MTHFD1L: variants seen among roughly 807,000 people sequenced by gnomAD.
MTHFD1L encodes methylenetetrahydrofolate dehydrogenase (NADP+ dependent) 1 like.
In MTHFD1L, 81 loss-of-function variants were observed where a neutral mutation model predicts 119.5. The ratio of observed to expected loss-of-function variants is 0.68; its 90% CI spans 0.57 to 0.82. The LOEUF (loss-of-function observed/expected upper bound fraction) is 0.82, where lower values mean the gene tolerates loss of function less well. Among genes scored for constraint, MTHFD1L ranks in the 40% least tolerant of loss-of-function variants. The pLI, the probability that MTHFD1L is intolerant of heterozygous loss-of-function variation, is 0.00. For missense variants in MTHFD1L, 1,125 were observed against 1,253.4 expected (o/e 0.90, Z 1.55); for synonymous variants, 430 against 475.2 (o/e 0.90, Z 1.24).
intron 26 of MTHFD1L, among the ~76,000 whole-genome samples, chr6:151,047,707 CT>C (rs1788314799): frequency 6.6e-6 from 1 of 152,188 alleles, no homozygotes; most frequent in African/African-American, 2.4e-5. Flanking sequence ...ATGAAAGTTA[CT>C]TACTGTGCTT....
At chr6:150,976,926 T>TC (rs1254708699) in intron 20 of MTHFD1L, among the ~76,000 whole-genome samples, 1 of 152,220 alleles carries the variant, frequency 6.6e-6, no homozygotes, top group Non-Finnish European at 1.5e-5. Flanking sequence ...CAATTTCACT[T>TC]CTATGTATAC....
intron 1 of MTHFD1L, chr6:150,866,372 G>C: frequency 7.1e-7 from 1 of 1,408,144 alleles, no homozygotes; most frequent in East Asian, 3.1e-5. Flanking sequence ...CAATCGCGCC[G>C]GGCGCGACCC....
chr6:151,025,367 C>T (rs1479224262), intron 24 of MTHFD1L, among the ~76,000 whole-genome samples: 2 of 152,188 alleles, frequency 1.3e-5, no homozygotes, highest in Admixed American at 6.5e-5. Flanking sequence ...GAGCCGCTCC[C>T]GGGACTCCAG....
intron 20 of MTHFD1L, among the ~76,000 whole-genome samples, chr6:150,979,701 T>C (rs1777161599): frequency 6.6e-6 from 1 of 152,096 alleles, no homozygotes; most frequent in Non-Finnish European, 1.5e-5. Flanking sequence ...AGTTTCTCCA[T>C]GTTAGCCAGG....
intron 17 of MTHFD1L, among the ~76,000 whole-genome samples, chr6:150,958,249 G>A (rs1195955314): frequency 3.9e-5 from 6 of 152,036 alleles, no homozygotes; most frequent in African/African-American, 7.2e-5. Flanking sequence ...TTTTTATGTC[G>A]ATAAAGGTAG....
intron 19 of MTHFD1L, among the ~76,000 whole-genome samples, chr6:150,969,844 G>A (rs578064552): frequency 9.2e-5 from 14 of 152,234 alleles, no homozygotes; most frequent in African/African-American, 1.7e-4. Flanking sequence ...AGGATGTTCC[G>A]TGTCATCGAT....
intron 7 of MTHFD1L, among the ~76,000 whole-genome samples, chr6:150,890,287 T>TTTTGTTTG (rs10690868): frequency 1.3e-5 from 2 of 151,178 alleles, no homozygotes; most frequent in African/African-American, 2.4e-5. Context: ...GTGCAAAAAG[T>TTTTGTTTG]TTTGTTTGTT....
chr6:151,030,750 T>C (rs902708870), intron 24 of MTHFD1L, among the ~76,000 whole-genome samples: 14 of 152,218 alleles, frequency 9.2e-5, no homozygotes, highest in Admixed American at 7.2e-4. Context: ...TATTCATTGG[T>C]TCAACTGTAT....
chr6:150,875,985 A>T, intron 1 of MTHFD1L, 105 bp from the exon 2 acceptor site: 1 of 871,514 alleles, frequency 1.1e-6, no homozygotes, highest in Non-Finnish European at 1.9e-6. Flanking sequence ...TCTGTGGTCT[A>T]GTTATTTTCA....
chr6:150,912,360 A>C lies in MTHFD1L; in HGVS notation c.893-6217A>C, dbSNP rs555341430. On this transcript the variant is annotated intron_variant, in intron 8 of 27. Coordinates refer to ENST00000367321, the MANE Select transcript of MTHFD1L (RefSeq NM_015440.5). ...CTAATTTTTAGCCATTCCTGATTTT[A>C]AAACCTCGCATACATTTTGGGGATA... Among the ~76,000 whole-genome samples, 12 of 151,090 alleles carry C rather than the reference A, an allele frequency of 7.9e-5. No individual in the cohort carries two copies. The East Asian group carries it at 2.3e-3, about 29-fold the overall frequency.
rs1417058499 is a variant in MTHFD1L at position 150,944,433 on chromosome 6, G to A, written c.1441-53G>A. 46 of 1,374,824 alleles carry A rather than the reference G, an allele frequency of 3.3e-5. No homozygotes were observed. In the East Asian group the frequency reaches 1.1e-3, roughly 33 times the overall value. The allele number at this position is 1,374,824 out of a possible 1,614,324, so 85.2% of individuals were successfully genotyped here. ...ACTGCACTCCAGCCTGGGCAACAAA[G>A]CGAGACCCTATTTCTGAAAATAAAT... is the stretch of plus-strand genomic sequence containing the variant. On this transcript the variant is annotated intron_variant, in intron 13 of 27. Coordinates refer to ENST00000367321, the MANE Select transcript of MTHFD1L (RefSeq NM_015440.5).
chr6:151,009,715 A>G, intron 20 of MTHFD1L, 104 bp from the exon 21 acceptor site: 1 of 1,291,856 alleles, frequency 7.7e-7, no homozygotes. Context: ...TGGTAAACAA[A>G]AGGAATGTAA....
intron 26 of MTHFD1L, among the ~76,000 whole-genome samples, chr6:151,074,063 C>A (rs1792249892): frequency 6.6e-6 from 1 of 152,158 alleles, no homozygotes; most frequent in African/African-American, 2.4e-5. Context: ...ACAACACAAA[C>A]TAGAAGGTGG....
At chr6:150,919,373 ACCACCACG>A (rs1562378672) in intron 9 of MTHFD1L, among the ~76,000 whole-genome samples, 1 of 151,660 alleles carries the variant, frequency 6.6e-6, no homozygotes, top group African/African-American at 2.4e-5. Flanking sequence ...GCAGGCACAC[ACCACCACG>A]CCTGGCTAAT....
At chr6:150,895,001 C>T (rs559119029) in intron 7 of MTHFD1L, among the ~76,000 whole-genome samples, 2 of 152,248 alleles carry the variant, frequency 1.3e-5, no homozygotes, top group African/African-American at 2.4e-5. Flanking sequence ...AGGGGAAGAA[C>T]GCCTGGGCAT....
intron 27 of MTHFD1L, 120 bp downstream of exon 27, chr6:151,092,707 T>C: frequency 1.6e-6 from 1 of 631,046 alleles, no homozygotes; most frequent in Non-Finnish European, 2.7e-6. Flanking sequence ...CTTCCTTTGT[T>C]ACTCAAATTC....
At chr6:150,879,352 A>G (rs1780990875) in intron 4 of MTHFD1L, among the ~76,000 whole-genome samples, 2 of 151,816 alleles carry the variant, frequency 1.3e-5, no homozygotes. Flanking sequence ...CGGTGGTGCA[A>G]TCTTGGCTCA....
chr6:150,888,298 A>G (rs926197595), intron 7 of MTHFD1L, among the ~76,000 whole-genome samples: 5 of 152,234 alleles, frequency 3.3e-5, no homozygotes, highest in Non-Finnish European at 5.9e-5. Context: ...GTAACATGCT[A>G]AAGGAAAATT....
At chr6:151,028,434 G>A (rs76572879) in intron 24 of MTHFD1L, among the ~76,000 whole-genome samples, 1,523 of 152,290 alleles carry the variant, frequency 0.01, 26 homozygotes, top group African/African-American at 0.035. Context: ...TTGTCTGTCA[G>A]CGGGGATCAG....
Sources: gnomAD v4.1 joint callset for allele counts (sites outside exome capture counted in the v4.1 genomes callset) on GRCh38, gnomAD v4.1.1 for gene constraint, MANE v1.5 for transcripts, NCBI Gene and HGNC (gene_info 2026-07-23, HGNC 2026-07-21) for gene names.